Variants in ICA1 observed in about 807,000 individuals in gnomAD.
ICA1 encodes islet cell autoantigen 1, also known as 69 kDa islet cell autoantigen.
ICA1 carries 40 observed loss-of-function variants against 71.0 expected under a neutral mutation model. That is an observed-to-expected ratio of 0.56 (90% CI 0.44 to 0.73). ICA1 has a LOEUF of 0.73. Among genes scored for constraint, ICA1 ranks in the 30% least tolerant of loss-of-function variants. The probability of loss-of-function intolerance (pLI) is 0.00; values close to 1 mark genes in which losing one functional copy is unlikely to be tolerated. For synonymous variants in ICA1, 207 were observed against 209.5 expected, an observed-to-expected ratio of 0.99 and a Z score of 0.10; for missense variants, 578 against 576.5, an observed-to-expected ratio of 1.00 and a Z score of -0.03.
chr7:8,221,490 C>A, intron 4 of ICA1, 92 bp from the exon 5 acceptor site: 1 of 1,419,336 alleles, frequency 7.0e-7, no homozygotes, highest in Non-Finnish European at 9.8e-7. Context: ...CCTCTCTCTT[C>A]CAGAGGCGAA....
At chr7:8,142,013 A>G in intron 9 of ICA1, 196 bp from the exon 10 acceptor site, 1 of 1,486,342 alleles carries the variant, frequency 6.7e-7, no homozygotes, top group Non-Finnish European at 9.0e-7. Context: ...GCATCTTAAT[A>G]TCTGAATTTG....
intron 13 of ICA1, among the ~76,000 whole-genome samples, chr7:8,119,311 A>C (rs1018345563): frequency 6.6e-6 from 1 of 152,180 alleles, no homozygotes; most frequent in Non-Finnish European, 1.5e-5. Context: ...ACACAATGGG[A>C]ACTCAAACAA....
At chr7:8,164,702 G>C (rs1258650799) in intron 6 of ICA1, among the ~76,000 whole-genome samples, 3 of 152,184 alleles carry the variant, frequency 2.0e-5, no homozygotes, top group Non-Finnish European at 4.4e-5. Context: ...TAAGATCACT[G>C]AATATATCAA....
In ICA1 at chr7:8,262,142, C is replaced by G. The variant is rs1477507783; in HGVS notation, c.-128G>C. 6.6e-6 allele frequency: 1 copy of G among 152,194 alleles called. No homozygotes were observed. The highest frequency in any genetic ancestry group is 2.4e-5 in the African/African-American group (1 of 41,432). 9.4% of individuals were successfully genotyped at this position (152,194 alleles called of 1,614,324 possible). Reference sequence around the variant, plus strand: ...CCTCCCGGCCGCGGTCGGAGCGTCCCTCCGGATCACTCATCCGACGTCAGC... The same window carrying G: ...CCTCCCGGCCGCGGTCGGAGCGTCCGTCCGGATCACTCATCCGACGTCAGC... On this transcript the variant is annotated 5_prime_UTR_variant, in exon 1 of 14. Coordinates refer to ENST00000402384, the MANE Select transcript of ICA1 (RefSeq NM_001136020.3).
At chr7:8,177,482 G>C (rs1780978119) in intron 6 of ICA1, among the ~76,000 whole-genome samples, 1 of 152,166 alleles carries the variant, frequency 6.6e-6, no homozygotes, top group Non-Finnish European at 1.5e-5. Flanking sequence ...TCTAATCTGA[G>C]AAGCACATAT....
intron 6 of ICA1, among the ~76,000 whole-genome samples, chr7:8,189,974 GT>G (rs1585051319): frequency 6.6e-6 from 1 of 152,218 alleles, no homozygotes; most frequent in East Asian, 1.9e-4. Context: ...TCGTAATGAA[GT>G]AAGCCACTAA....
In ICA1 at chr7:8,164,333, T is replaced by C. The variant is rs1041741668; in HGVS notation, c.580-5681A>G. ...AAAAAAAAAAAAAAAAAAAAAAGAATAGATCTGGAGTCAAGAGGAAAGATG... is the reference window on the plus strand; with the variant it reads ...AAAAAAAAAAAAAAAAAAAAAAGAACAGATCTGGAGTCAAGAGGAAAGATG... On this transcript the variant is annotated intron_variant, in intron 6 of 13. Transcript: ENST00000402384. 7.6e-5 allele frequency among the ~76,000 whole-genome samples: 10 copies of C among 130,822 alleles called. No homozygotes were observed. In the East Asian group the frequency reaches 2.2e-3, roughly 29 times the overall value. The allele number at this position is 130,822 out of a possible 152,430, so 85.8% of individuals were successfully genotyped here.
intron 13 of ICA1, among the ~76,000 whole-genome samples, chr7:8,126,321 C>T (rs1584261948): frequency 2.0e-5 from 3 of 152,174 alleles, no homozygotes; most frequent in Admixed American, 6.5e-5. Context: ...AGCACCTCCA[C>T]CACAGGTGGG....
Position 8,123,658 on chromosome 7 carries a change from C to A in ICA1, c.1330+4215G>T, listed in dbSNP as rs1414224419. Among the ~76,000 whole-genome samples, 1 of 152,218 alleles carries A rather than the reference C, an allele frequency of 6.6e-6. No individual in the cohort carries two copies. The highest frequency in any genetic ancestry group is 1.9e-4 in the East Asian group (1 of 5,198). ...GGACTTAGCCTCTGTCTCCCACACCCATTCCTCCTTTATGGCTCCCTAAAT... is the reference window on the plus strand; with the variant it reads ...GGACTTAGCCTCTGTCTCCCACACCAATTCCTCCTTTATGGCTCCCTAAAT... On this transcript the variant is annotated intron_variant, in intron 13 of 13. Coordinates refer to ENST00000402384, the MANE Select transcript of ICA1 (RefSeq NM_001136020.3). This position sits in a 1 kb window ranked among gnomAD's most constrained non-coding sequence, Gnocchi z 4.1.
At chr7:8,221,720 G>A (rs1044647139) in intron 4 of ICA1, among the ~76,000 whole-genome samples, 1 of 152,140 alleles carries the variant, frequency 6.6e-6, no homozygotes, top group Non-Finnish European at 1.5e-5. Context: ...AAAGGAGTTG[G>A]GTTTGTCAAG....
intron 6 of ICA1, among the ~76,000 whole-genome samples, chr7:8,190,615 G>A (rs1275531843): frequency 1.3e-5 from 2 of 152,178 alleles, no homozygotes; most frequent in African/African-American, 4.8e-5. Context: ...ACCCTACAGA[G>A]GCAATGTGTT....
chr7:8,174,771 A>AACAAAAAACC (rs1554310918), intron 6 of ICA1, among the ~76,000 whole-genome samples: 71 of 106,046 alleles, frequency 6.7e-4, no homozygotes, highest in South Asian at 2.5e-3. Context: ...AAAAAAAAAA[A>AACAAAAAACC]AAAAAAAACA....
At chr7:8,172,273 A>C (rs1489483226) in intron 6 of ICA1, among the ~76,000 whole-genome samples, 3 of 152,092 alleles carry the variant, frequency 2.0e-5, no homozygotes, top group Non-Finnish European at 4.4e-5. Flanking sequence ...AGTTGTAGAC[A>C]ACATTGGGAT....
intron 6 of ICA1, among the ~76,000 whole-genome samples, chr7:8,178,913 T>C (rs1357107010): frequency 6.6e-6 from 1 of 152,286 alleles, no homozygotes; most frequent in South Asian, 2.1e-4. Context: ...ATCTGCTAGC[T>C]TTCCACCCAA....
intron 12 of ICA1, among the ~76,000 whole-genome samples, chr7:8,138,425 C>A (rs1370374721): frequency 6.6e-6 from 1 of 152,172 alleles, no homozygotes. Context: ...GACAATAACC[C>A]ACCAAGGCCG....
At position 8,240,678 on chromosome 7, in the gene ICA1, C is replaced by T. The variant is rs147057777; in HGVS notation, c.-79-4673G>A. ...TAAAAACCTTGAAAAAAAGATCAGACGAATGAGTAACTCAAATAAACAGTG... is the reference window on the plus strand; with the variant it reads ...TAAAAACCTTGAAAAAAAGATCAGATGAATGAGTAACTCAAATAAACAGTG... On this transcript the variant is annotated intron_variant, in intron 1 of 13. Transcript: ENST00000402384. Among the ~76,000 whole-genome samples the T allele has an allele frequency of 2.4e-3, 364 of 152,116 alleles. 2 individuals are homozygous for T. Among genetic ancestry groups the T allele is most frequent in the African/African-American group, 8.4e-3 (347 of 41,484 alleles).
At chr7:8,184,001 G>A (rs1174423433) in intron 6 of ICA1, among the ~76,000 whole-genome samples, 3 of 152,112 alleles carry the variant, frequency 2.0e-5, no homozygotes, top group Admixed American at 1.3e-4. Flanking sequence ...TTCATTGCAT[G>A]GTATATTATC....
chr7:8,207,271 A>G (rs1791928676), intron 6 of ICA1, among the ~76,000 whole-genome samples: 1 of 152,212 alleles, frequency 6.6e-6, no homozygotes, highest in South Asian at 2.1e-4. Context: ...ATCATATTTC[A>G]TTTGATGGTA....
intron 6 of ICA1, among the ~76,000 whole-genome samples, chr7:8,179,452 T>G (rs1781538146): frequency 6.6e-6 from 1 of 152,216 alleles, no homozygotes; most frequent in Admixed American, 6.5e-5. Flanking sequence ...AAGAATGTCA[T>G]CAACAGCATC....
Sources: gnomAD v4.1 joint callset for allele counts (sites outside exome capture counted in the v4.1 genomes callset) on GRCh38, gnomAD v4.1.1 for gene constraint, Gnocchi (gnomAD v3.1) non-coding constraint, MANE v1.5 for transcripts, NCBI Gene and HGNC (gene_info 2026-07-23, HGNC 2026-07-21) for gene names.